Variants in PLCH2 observed in about 807,000 individuals in gnomAD.
PLCH2 encodes 1-phosphatidylinositol 4,5-bisphosphate phosphodiesterase eta-2.
A neutral mutation model predicts 134.7 loss-of-function variants in PLCH2; 98 were observed. The observed-to-expected ratio is 0.73, with a 90% confidence interval of 0.62 to 0.86. The LOEUF is 0.86. Among genes scored for constraint, PLCH2 ranks in the 40% least tolerant of loss-of-function variants. The probability of loss-of-function intolerance (pLI) is 0.00; values close to 1 mark genes in which losing one functional copy is unlikely to be tolerated. For synonymous variants in PLCH2, 974 were observed against 827.5 expected (o/e 1.18, Z -3.04); for missense variants, 1,994 against 1,986.6 (o/e 1.00, Z -0.07).
intron 9 of PLCH2, 29 bp from the exon 10 acceptor site, chr1:2,489,731 C>A: frequency 2.0e-6 from 3 of 1,537,122 alleles, no homozygotes; most frequent in Non-Finnish European, 2.7e-6. Flanking sequence ...TTCTCCAGGG[C>A]CCCTCCCATC....
chr1:2,494,600 T>TAA, intron 11 of PLCH2: 1 of 579,232 alleles, frequency 1.7e-6, no homozygotes, highest in South Asian at 2.0e-5. Context: ...TGTGAGCGAA[T>TAA]GTTTCCACCG....
chr1:2,474,135 G>A (rs1465217019), upstream of PLCH2, among the ~76,000 whole-genome samples: 1 of 151,974 alleles, frequency 6.6e-6, no homozygotes, highest in African/African-American at 2.4e-5. Context: ...GGGCTCGCCT[G>A]CCGGCATGGG....
intron 2 of PLCH2, among the ~76,000 whole-genome samples, chr1:2,449,499 AAACCAACC>A (rs34463698): frequency 0.037 from 5,550 of 150,334 alleles, 238 homozygotes; most frequent in African/African-American, 0.1. Flanking sequence ...TGTCTCAACA[AAACCAACC>A]AACCAACCAA....
Position 2,497,012 on chromosome 1 carries a change from T to G in PLCH2, c.2116+2T>G. 6.2e-7 allele frequency: 1 copy of G among 1,612,032 alleles called. No individual in the cohort carries two copies. The highest frequency in any genetic ancestry group is 8.5e-7 in the Non-Finnish European group (1 of 1,179,366). On this transcript the variant is annotated splice_donor_variant, in intron 15 of 21. Transcript: ENST00000378486. LOFTEE classifies it high-confidence loss of function. The stretch of plus-strand genomic sequence containing the variant: ...TCTGGAACGCCGGCTGCCAAATGGG[T>G]GGGTGCGGGCATGGTGCGCTGGGTG...
chr1:2,474,375 G>C (rs541952355), upstream of PLCH2, among the ~76,000 whole-genome samples: 1 of 139,952 alleles, frequency 7.1e-6, no homozygotes, highest in Non-Finnish European at 1.5e-5. Context: ...GGCAGCCCCC[G>C]GCAGAGGCCT....
At chr1:2,467,482 C>CGT in exon 1 of PLCH2, 1 of 394,894 alleles carries the variant, frequency 2.5e-6, no homozygotes, top group Non-Finnish European at 4.5e-6. Flanking sequence ...GGCAGGGCAG[C>CGT]GTGTGGGGCT....
At chr1:2,478,092 T>C (rs936336454) in intron 1 of PLCH2, among the ~76,000 whole-genome samples, 4 of 152,134 alleles carry the variant, frequency 2.6e-5, no homozygotes, top group Non-Finnish European at 4.4e-5. Context: ...GTCTGAGTGG[T>C]AGCTCTCGGG....
chr1:2,499,147 TC>T lies in PLCH2; in HGVS notation c.2500del (p.Arg834AlafsTer25), dbSNP rs772731856. The T allele has an allele frequency of 6.2e-7, 1 of 1,613,106 alleles. No homozygotes were observed. Among genetic ancestry groups the T allele is most frequent in the Admixed American group, 1.7e-5 (1 of 59,978 alleles). ...FMVHMPEIALVRFLVWDHDPI... is the reference protein window; with the variant it reads ...FMVHMPEIALXRFLVWDHDPI... ...GTGCACATGCCGGAGATCGCGCTGG[TC>T]CGCTTCCTCGTCTGGGACCACGATC... is the stretch of plus-strand genomic sequence containing the variant. On this transcript the variant is annotated frameshift_variant, in exon 19 of 22. Coordinates refer to ENST00000378486, the MANE Select transcript of PLCH2 (RefSeq NM_014638.4). LOFTEE classifies it high-confidence loss of function.
intron 2 of PLCH2, among the ~76,000 whole-genome samples, chr1:2,440,957 C>G (rs986308167): frequency 6.6e-6 from 1 of 152,166 alleles, no homozygotes; most frequent in Admixed American, 6.5e-5. Context: ...CCACAACTGC[C>G]AAGATCTGGC....
At chr1:2,478,327 G>A (rs1047864836) in intron 1 of PLCH2, 149 bp from the exon 2 acceptor site, 9 of 957,372 alleles carry the variant, frequency 9.4e-6, no homozygotes, top group Non-Finnish European at 1.4e-5. Context: ...GGCGGTGTGG[G>A]CGGGGCCGGG....
chr1:2,490,477 G>A (rs766642974), intron 10 of PLCH2, among the ~76,000 whole-genome samples: 12 of 152,134 alleles, frequency 7.9e-5, no homozygotes, highest in Non-Finnish European at 1.6e-4. Flanking sequence ...TGTTGGGCTC[G>A]GGGGCGCCGA....
chr1:2,457,018 G>A (rs1640529250), intron 2 of PLCH2, among the ~76,000 whole-genome samples: 1 of 152,180 alleles, frequency 6.6e-6, no homozygotes. Context: ...CATTTTCAAA[G>A]GGGCAAGAGC....
intron 20 of PLCH2, chr1:2,500,227 T>G (rs1030742161): frequency 9.3e-5 from 16 of 171,488 alleles, no homozygotes; most frequent in African/African-American, 3.1e-4. Flanking sequence ...CAGGAAGTGG[T>G]CTTGGTGCCA....
chr1:2,429,792 C>A (rs944931947), intron 1 of PLCH2, among the ~76,000 whole-genome samples: 2 of 152,164 alleles, frequency 1.3e-5, no homozygotes, highest in African/African-American at 2.4e-5. Flanking sequence ...ATGCCTGTGG[C>A]TCCTCCTCGG....
chr1:2,504,342 G>A lies in PLCH2; in HGVS notation c.3380G>A (p.Ser1127Asn). The A allele has an allele frequency of 1.9e-6, 3 of 1,611,072 alleles. No individual in the cohort carries two copies. The highest frequency in any genetic ancestry group is 2.5e-6 in the Non-Finnish European group (3 of 1,179,528). Residue 1127 changes from serine (S) to asparagine (N), a missense_variant, in exon 22 of 22, where the codon AGT becomes AAT. By Grantham distance (46) the Ser-to-Asn change is conservative (BLOSUM62 1). Transcript: ENST00000378486. ...GCCGTGTACTCCGATGCCACGGGCA[G>A]TGACCCGCTGTGGCAGCGGCTGGAG... is the stretch of plus-strand genomic sequence containing the variant. ...APAVYSDATG[S>N]DPLWQRLEPC... is the part of the protein sequence containing the mutation.
At chr1:2,468,069 C>A (rs532042982) in intron 1 of PLCH2, among the ~76,000 whole-genome samples, 1 of 151,004 alleles carries the variant, frequency 6.6e-6, no homozygotes, top group Admixed American at 6.6e-5. Flanking sequence ...GCACACTGCT[C>A]GGGTGGGGGG....
chr1:2,505,458 C>T lies in PLCH2; in HGVS notation c.*245C>T, dbSNP rs1643491846. 1 of 567,822 alleles carries T rather than the reference C, an allele frequency of 1.8e-6. No homozygotes were observed. Among genetic ancestry groups the T allele is most frequent in the African/African-American group, 1.9e-5 (1 of 51,544 alleles). 35.2% of individuals were successfully genotyped at this position (567,822 alleles called of 1,614,324 possible). On this transcript the variant is annotated 3_prime_UTR_variant, in exon 22 of 22. Transcript: ENST00000378486. ...GGCAGTTTTCCCGGCGTTTTAGGAT[C>T]TGTACATAGAGAAATATTTAAATTT...
chr1:2,486,691 C>T (rs558338596), intron 5 of PLCH2, among the ~76,000 whole-genome samples: 19 of 152,352 alleles, frequency 1.2e-4, no homozygotes, highest in African/African-American at 4.6e-4. Context: ...AGGTCAGAGG[C>T]CCCTCCCGTG....
At position 2,498,491 on chromosome 1, in the gene PLCH2, G is replaced by A. The variant is rs1208913098; in HGVS notation, c.2225-32G>A. 3.8e-6 allele frequency: 6 copies of A among 1,595,852 alleles called. No homozygotes were observed. The highest frequency in any genetic ancestry group is 5.1e-6 in the Non-Finnish European group (6 of 1,171,366). On this transcript the variant is annotated intron_variant, in intron 16 of 21. Transcript: ENST00000378486. This position sits in a 1 kb window ranked among gnomAD's most constrained non-coding sequence, Gnocchi z 5.4. ...CAAGCAGGGGGCTTGCTGAGGGCTG[G>A]GCCACTGACCACCTCCCCGGCATCC...
Sources: gnomAD v4.1 joint callset for allele counts (sites outside exome capture counted in the v4.1 genomes callset) on GRCh38, gnomAD v4.1.1 for gene constraint, Gnocchi (gnomAD v3.1) non-coding constraint, MANE v1.5 for transcripts, NCBI Gene and HGNC (gene_info 2026-07-23, HGNC 2026-07-21) for gene names.